The following DNAJC13 variants were observed in gnomAD, a reference collection of about 807,000 sequenced individuals.
The protein encoded by DNAJC13 is dnaJ homolog subfamily C member 13.
DNAJC13 carries 75 observed loss-of-function variants against 290.5 expected under a neutral mutation model. The observed-to-expected ratio is 0.26, with a 90% confidence interval of 0.21 to 0.31. The LOEUF (loss-of-function observed/expected upper bound fraction) is 0.31, where lower values mean the gene tolerates loss of function less well. Among genes scored for constraint, DNAJC13 ranks in the 10% least tolerant of loss-of-function variants. DNAJC13 has a pLI of 1.00. For synonymous variants in DNAJC13, 862 were observed against 892.0 expected (o/e 0.97, Z 0.60); for missense variants, 2,260 against 2,674.5 (o/e 0.85, Z 3.42).
chr3:132,468,729 T>C (rs928458688), intron 20 of DNAJC13, among the ~76,000 whole-genome samples: 18 of 152,150 alleles, frequency 1.2e-4, no homozygotes, highest in African/African-American at 2.9e-4. Context: ...TATATACATA[T>C]ATGGTCAGGA....
At chr3:132,472,502 G>C in intron 20 of DNAJC13, 1 of 928,188 alleles carries the variant, frequency 1.1e-6, no homozygotes, top group Middle Eastern at 5.5e-4. Context: ...GCAGATCTAG[G>C]CTCATTCTCT....
chr3:132,511,226 G>A lies in DNAJC13; in HGVS notation c.5275G>A (p.Val1759Ile), dbSNP rs968189369. Reference protein sequence around the residue: ...VEMALEALRNVIKYNPGSESE... With the variant: ...VEMALEALRNIIKYNPGSESE... ...AATGGCTTTGGAGGCTCTGAGAAAT[G>A]TCATAAAATACAATCCAGGTATGTG... Residue 1759 changes from valine (V) to isoleucine (I), a missense_variant, in exon 44 of 56, where the codon GTC becomes ATC. Coordinates refer to ENST00000260818, the MANE Select transcript of DNAJC13 (RefSeq NM_015268.4). 3.4e-5 allele frequency: 55 copies of A among 1,613,622 alleles called. No homozygotes were observed. The highest frequency in any genetic ancestry group is 4.7e-5 in the Non-Finnish European group (55 of 1,179,830).
intron 34 of DNAJC13, 61 bp from the exon 35 acceptor site, chr3:132,495,027 T>C (rs1370133445): frequency 2.5e-6 from 3 of 1,180,138 alleles, no homozygotes; most frequent in Admixed American, 3.6e-5. Flanking sequence ...TTTAGATGGT[T>C]TTGTAAATTA....
At chr3:132,484,841 G>A (rs1167820739) in intron 29 of DNAJC13, among the ~76,000 whole-genome samples, 169 bp downstream of exon 29, 1 of 152,122 alleles carries the variant, frequency 6.6e-6, no homozygotes, top group Non-Finnish European at 1.5e-5. Context: ...GGCTGAGGCG[G>A]GAGGGTTGCT....
rs755525718 is a variant in DNAJC13 at position 132,538,267 on chromosome 3, T to C, written c.6717T>C (p.Leu2239=). 1 of 1,613,658 alleles carries C rather than the reference T, an allele frequency of 6.2e-7. No individual in the cohort carries two copies. The highest frequency in any genetic ancestry group is 1.1e-5 in the South Asian group (1 of 91,020). The change falls in exon 56 of 56, where the codon CTT becomes CTC. Residue 2239 remains leucine, a synonymous_variant. Coordinates refer to ENST00000260818, the MANE Select transcript of DNAJC13 (RefSeq NM_015268.4). ...PPPVDHEAGD[L]GYQT Reference sequence around the variant, plus strand: ...CTGTAGACCATGAGGCAGGCGACCTTGGCTATCAGACTTGAAATATTCACG... The same window carrying C: ...CTGTAGACCATGAGGCAGGCGACCTCGGCTATCAGACTTGAAATATTCACG...
intron 35 of DNAJC13, 41 bp downstream of exon 35, chr3:132,495,207 T>A (rs764250731): frequency 6.7e-7 from 1 of 1,498,958 alleles, no homozygotes; most frequent in East Asian, 2.3e-5. Context: ...GGCTTCCTCT[T>A]GCTCTATTAT....
At position 132,473,148 on chromosome 3, in the gene DNAJC13, A is replaced by G. The variant is rs1017783026; in HGVS notation, c.2212A>G (p.Ile738Val). 8 of 1,608,836 alleles carry G rather than the reference A, an allele frequency of 5.0e-6. No homozygotes were observed. The highest frequency in any genetic ancestry group is 3.4e-5 in the Admixed American group (2 of 59,186). ...ATGAAGTTTTTTTCTGTTCCAGAAT[A>G]TAAATCAGAAGCCAGTGGTTCTTCG... ...DRMGIAQKENINQKPVVLRKR... is the reference protein window; with the variant it reads ...DRMGIAQKENVNQKPVVLRKR... The change falls in exon 21 of 56, where the codon ATA becomes GTA. Residue 738 changes from isoleucine (I) to valine (V), a missense_variant. Physicochemically the swap from Ile to Val is conservative, Grantham distance 29. Coordinates refer to ENST00000260818, the MANE Select transcript of DNAJC13 (RefSeq NM_015268.4).
chr3:132,486,228 A>G (rs1168096390), intron 29 of DNAJC13, among the ~76,000 whole-genome samples: 2 of 151,664 alleles, frequency 1.3e-5, no homozygotes, highest in Admixed American at 6.6e-5. Context: ...GCTCTAAACT[A>G]TTACCACATC....
chr3:132,492,948 A>C (rs1029849923), intron 33 of DNAJC13, among the ~76,000 whole-genome samples: 1 of 152,060 alleles, frequency 6.6e-6, no homozygotes, highest in African/African-American at 2.4e-5. Flanking sequence ...CAGGTTGATT[A>C]AGCTCACAGA....
At chr3:132,499,626 A>T in intron 37 of DNAJC13, 108 bp from the exon 38 acceptor site, 3 of 955,430 alleles carry the variant, frequency 3.1e-6, no homozygotes, top group East Asian at 4.9e-5. Context: ...ACATTTATGT[A>T]TCAAATATTT....
chr3:132,505,504 T>C, intron 42 of DNAJC13, 89 bp downstream of exon 42: 1 of 831,038 alleles, frequency 1.2e-6, no homozygotes. Context: ...AGAAATCCAC[T>C]ACTTCTCACT....
chr3:132,494,302 A>G (rs1442063068), intron 34 of DNAJC13, 43 bp downstream of exon 34: 25 of 1,402,128 alleles, frequency 1.8e-5, no homozygotes, highest in Non-Finnish European at 2.3e-5. Context: ...GTCCCACCTT[A>G]AAGTACCAGT....
chr3:132,426,087 A>G (rs1939081747), intron 1 of DNAJC13, among the ~76,000 whole-genome samples: 1 of 149,482 alleles, frequency 6.7e-6, no homozygotes, highest in African/African-American at 2.4e-5. Context: ...TAAATTAGAG[A>G]ATGCAAGAAT....
chr3:132,533,735 T>C (rs560950173), intron 55 of DNAJC13, among the ~76,000 whole-genome samples: 1 of 152,310 alleles, frequency 6.6e-6, no homozygotes, highest in South Asian at 2.1e-4. Flanking sequence ...CAGGAAAGCC[T>C]CTTCTAATTC....
chr3:132,520,079 C>T (rs1486069981), intron 48 of DNAJC13, among the ~76,000 whole-genome samples: 5 of 152,130 alleles, frequency 3.3e-5, no homozygotes, highest in African/African-American at 4.8e-5. Context: ...CCTCCCACCG[C>T]GTCCCTCCCA....
At chr3:132,486,969 C>T (rs566260637) in intron 29 of DNAJC13, among the ~76,000 whole-genome samples, 4 of 152,006 alleles carry the variant, frequency 2.6e-5, no homozygotes, top group Middle Eastern at 3.4e-3. Flanking sequence ...GGTGTGTGTG[C>T]GTGCTTGTGT....
At chr3:132,507,930 AG>A (rs760615147) in intron 43 of DNAJC13, among the ~76,000 whole-genome samples, 96 of 152,380 alleles carry the variant, frequency 6.3e-4, no homozygotes, top group Admixed American at 4.6e-3. Flanking sequence ...AAGGTTAAAT[AG>A]GCCGAAAGCT....
intron 1 of DNAJC13, among the ~76,000 whole-genome samples, chr3:132,432,491 C>T (rs763142460): frequency 2.0e-5 from 3 of 152,158 alleles, no homozygotes; most frequent in Non-Finnish European, 4.4e-5. Flanking sequence ...AGGCATGAGC[C>T]ACCGCTCCCG....
intron 45 of DNAJC13, 31 bp downstream of exon 45, chr3:132,513,130 C>CT: frequency 1.9e-6 from 3 of 1,542,840 alleles, no homozygotes; most frequent in Non-Finnish European, 2.7e-6. Flanking sequence ...AGCGTGTTGC[C>CT]TTTCCTACCA....
Sources: gnomAD v4.1 joint callset for allele counts (sites outside exome capture counted in the v4.1 genomes callset) on GRCh38, gnomAD v4.1.1 for gene constraint, MANE v1.5 for transcripts, NCBI Gene and HGNC (gene_info 2026-07-23, HGNC 2026-07-21) for gene names.